WBP11: variants seen among roughly 807,000 people sequenced by gnomAD.
WBP11 encodes WW domain binding protein 11.
In WBP11, 12 loss-of-function variants were observed where a neutral mutation model predicts 66.7. The ratio of observed to expected loss-of-function variants is 0.18; its 90% CI spans 0.12 to 0.29. WBP11 has a LOEUF of 0.29. Ranked by LOEUF, WBP11 falls within the 10% of genes least tolerant of loss-of-function variation. WBP11 has a pLI of 1.00. For missense variants in WBP11, 555 were observed against 818.3 expected, an observed-to-expected ratio of 0.68 and a Z score of 3.93; for synonymous variants, 255 against 273.8, an observed-to-expected ratio of 0.93 and a Z score of 0.68.
At chr12:14,795,178 C>T in intron 5 of WBP11, 74 bp from the exon 6 acceptor site, 2 of 1,435,268 alleles carry the variant, frequency 1.4e-6, no homozygotes, top group South Asian at 3.0e-5. Flanking sequence ...GACAAGTCAG[C>T]TGTTTCGTAA....
rs575935211 is a variant in WBP11 at position 14,785,849 on chromosome 12, T to C, written c.*1216A>G. On this transcript the variant is annotated 3_prime_UTR_variant, in exon 12 of 12. Coordinates refer to ENST00000261167, the MANE Select transcript of WBP11 (RefSeq NM_016312.3). The stretch of plus-strand genomic sequence containing the variant: ...GATCACTGGATAAATCACGAGTCCT[T>C]TTTAAGTTTCAATACTCTCTAATGT... 3 of 152,342 alleles carry C rather than the reference T, an allele frequency of 2.0e-5. No individual in the cohort carries two copies. The East Asian group carries it at 5.8e-4, about 29-fold the overall frequency. 9.4% of individuals were successfully genotyped at this position (152,342 alleles called of 1,614,324 possible).
Position 14,796,429 on chromosome 12 carries a change from C to CT in WBP11, c.387+377dup, listed in dbSNP as rs563769467. Among the ~76,000 whole-genome samples, 401 of 152,230 alleles carry CT rather than the reference C, an allele frequency of 2.6e-3. 1 individual carries two copies. The highest frequency in any genetic ancestry group is 4.0e-3 in the Non-Finnish European group (275 of 68,000). On this transcript the variant is annotated intron_variant, in intron 5 of 11. Coordinates refer to ENST00000261167, the MANE Select transcript of WBP11 (RefSeq NM_016312.3). This position sits in a 1 kb window ranked among gnomAD's most constrained non-coding sequence, Gnocchi z 4.5. The stretch of plus-strand genomic sequence containing the variant: ...GTTCAACATGACATTCTCCCATTAA[C>CT]TTTTTAAATCTAAGTATAGGCTGAG...
intron 8 of WBP11, 107 bp from the exon 9 acceptor site, chr12:14,791,377 G>T: frequency 1.3e-6 from 1 of 794,700 alleles, no homozygotes; most frequent in South Asian, 1.7e-5. Flanking sequence ...CCCACTACTT[G>T]GCAGAGGTGC....
intron 8 of WBP11, among the ~76,000 whole-genome samples, chr12:14,793,507 CAT>C (rs1208833590): frequency 2.6e-5 from 4 of 152,146 alleles, no homozygotes; most frequent in African/African-American, 7.2e-5. Flanking sequence ...AACTTTATTA[CAT>C]AGACATTTTT....
chr12:14,803,087 G>A (rs1459204446), intron 1 of WBP11, among the ~76,000 whole-genome samples: 1 of 152,190 alleles, frequency 6.6e-6, no homozygotes, highest in Non-Finnish European at 1.5e-5. Flanking sequence ...GACCGACCAT[G>A]ACTCGAGGTA....
chr12:14,789,851 A>G (rs1949801082), intron 10 of WBP11, among the ~76,000 whole-genome samples: 1 of 152,238 alleles, frequency 6.6e-6, no homozygotes, highest in Admixed American at 6.5e-5. Context: ...TTTGCTTTGC[A>G]CCAATCGGAA....
Position 14,785,630 on chromosome 12 carries a change from T to TA in WBP11, c.*1434dup, listed in dbSNP as rs1327158399. The TA allele has an allele frequency of 2.0e-5, 3 of 152,172 alleles. No homozygotes were observed. Among genetic ancestry groups the TA allele is most frequent in the Non-Finnish European group, 4.4e-5 (3 of 68,010 alleles). The allele number at this position is 152,172 out of a possible 1,614,324, so 9.4% of individuals were successfully genotyped here. ...AGCCAAACAAACAAAAGATCTTGAA[T>TA]AAAAATCTAAAAATCCATCAACTCA... On this transcript the variant is annotated 3_prime_UTR_variant, in exon 12 of 12. Coordinates refer to ENST00000261167, the MANE Select transcript of WBP11 (RefSeq NM_016312.3).
intron 10 of WBP11, 98 bp downstream of exon 10, chr12:14,790,358 G>A: frequency 1.4e-6 from 2 of 1,435,312 alleles, no homozygotes; most frequent in Non-Finnish European, 1.9e-6. Flanking sequence ...CAATTAGGAG[G>A]AAACAAGAAA....
At chr12:14,787,829 A>G (rs904788845) in intron 11 of WBP11, among the ~76,000 whole-genome samples, 2 of 152,234 alleles carry the variant, frequency 1.3e-5, no homozygotes, top group African/African-American at 4.8e-5. Context: ...TGCATAGTGC[A>G]GGTATTAGTA....
chr12:14,797,318 A>G (rs1003847975), intron 4 of WBP11, among the ~76,000 whole-genome samples: 6 of 152,162 alleles, frequency 3.9e-5, no homozygotes, highest in Non-Finnish European at 8.8e-5. Context: ...TTTACCTACT[A>G]CGTTAGTCCT....
chr12:14,797,502 T>G (rs1949907482), intron 4 of WBP11, among the ~76,000 whole-genome samples: 1 of 152,204 alleles, frequency 6.6e-6, no homozygotes, highest in African/African-American at 2.4e-5. Context: ...TTATAACAGA[T>G]CCGTATTCCT....
intron 2 of WBP11, 74 bp downstream of exon 2, chr12:14,801,246 G>T: frequency 1.4e-6 from 2 of 1,455,426 alleles, no homozygotes; most frequent in South Asian, 1.2e-5. Flanking sequence ...TTAAGCCACA[G>T]AGAAAGAAAT....
At position 14,784,612 on chromosome 12, in the gene WBP11, A is replaced by T. The variant is rs1216147907; in HGVS notation, c.*2453T>A. 1 of 152,234 alleles carries T rather than the reference A, an allele frequency of 6.6e-6. No individual in the cohort carries two copies. Among genetic ancestry groups the T allele is most frequent in the Non-Finnish European group, 1.5e-5 (1 of 68,026 alleles). The allele number at this position is 152,234 out of a possible 1,614,324, so 9.4% of individuals were successfully genotyped here. On this transcript the variant is annotated 3_prime_UTR_variant, in exon 12 of 12. Coordinates refer to ENST00000261167, the MANE Select transcript of WBP11 (RefSeq NM_016312.3). ...ATAAGGAGATATTTTAATCAAGAGC[A>T]CAAACAAGAATATACAAAATGAGAA...
At chr12:14,797,233 T>C (rs74068127) in intron 4 of WBP11, among the ~76,000 whole-genome samples, 113 of 152,320 alleles carry the variant, frequency 7.4e-4, no homozygotes, top group African/African-American at 2.7e-3. Context: ...TAATTGACTT[T>C]CATCTTCATT....
chr12:14,796,223 C>T lies in WBP11; in HGVS notation c.387+584G>A, dbSNP rs71532841. On this transcript the variant is annotated intron_variant, in intron 5 of 11. Transcript: ENST00000261167. The surrounding 1 kb of genome is among the most constrained non-coding windows in gnomAD (Gnocchi z 4.5). ...GAGTATTAGATTATTCCTTTTATTG[C>T]TGAATAGTATTCTATTGTATAAATA... Among the ~76,000 whole-genome samples the T allele has an allele frequency of 0.087, 13,268 of 152,082 alleles. 861 individuals are homozygous for T. Among genetic ancestry groups the T allele is most frequent in the Admixed American group, 0.21 (3,184 of 15,258 alleles).
intron 4 of WBP11, among the ~76,000 whole-genome samples, chr12:14,798,985 G>A (rs1483727633): frequency 6.6e-6 from 1 of 152,028 alleles, no homozygotes; most frequent in Non-Finnish European, 1.5e-5. Flanking sequence ...AATTTCCAGT[G>A]GCAACATCAA....
intron 2 of WBP11, 100 bp from the exon 3 acceptor site, chr12:14,800,883 A>G (rs946510028): frequency 9.6e-7 from 1 of 1,043,576 alleles, no homozygotes; most frequent in South Asian, 1.5e-5. Context: ...GGAAAGTTAC[A>G]GTATGCACTG....
At chr12:14,802,564 G>A (rs1410685960) in intron 1 of WBP11, among the ~76,000 whole-genome samples, 2 of 152,068 alleles carry the variant, frequency 1.3e-5, no homozygotes, top group Non-Finnish European at 2.9e-5. Flanking sequence ...ATGATACAAT[G>A]AGATTACAAA....
At chr12:14,791,906 C>G (rs1186876257) in intron 8 of WBP11, among the ~76,000 whole-genome samples, 1 of 151,802 alleles carries the variant, frequency 6.6e-6, no homozygotes, top group East Asian at 1.9e-4. Flanking sequence ...ATTGTATGCT[C>G]TCACTTATAA....
Sources: gnomAD v4.1 joint callset for allele counts (sites outside exome capture counted in the v4.1 genomes callset) on GRCh38, gnomAD v4.1.1 for gene constraint, Gnocchi (gnomAD v3.1) non-coding constraint, MANE v1.5 for transcripts, NCBI Gene and HGNC (gene_info 2026-07-23, HGNC 2026-07-21) for gene names.